CDKN1A: variants seen among roughly 807,000 people sequenced by gnomAD.
CDKN1A encodes cyclin dependent kinase inhibitor 1A.
Under a neutral mutation model 14.8 loss-of-function variants are expected in CDKN1A, and 14 were observed. That is an observed-to-expected ratio of 0.94 (90% CI 0.62 to 1.48). The LOEUF (loss-of-function observed/expected upper bound fraction) is 1.48. Among genes scored for constraint, CDKN1A ranks in the 40% most tolerant of loss-of-function variants. The pLI is 0.00. For synonymous variants in CDKN1A, 92 were observed against 93.5 expected (o/e 0.98, Z 0.09); for missense variants, 203 against 231.7 (o/e 0.88, Z 0.80).
At position 36,686,022 on chromosome 6, in the gene CDKN1A, T is replaced by C; in HGVS notation, c.*222T>C. 1 of 594,804 alleles carries C rather than the reference T, an allele frequency of 1.7e-6. No individual in the cohort carries two copies. Among genetic ancestry groups the C allele is most frequent in the South Asian group, 2.0e-5 (1 of 50,274 alleles). The allele number at this position is 594,804 out of a possible 1,614,324, so 36.8% of individuals were successfully genotyped here. On this transcript the variant is annotated 3_prime_UTR_variant, in exon 3 of 3. Transcript: ENST00000244741. This position sits in a 1 kb window ranked among gnomAD's most constrained non-coding sequence, Gnocchi z 4.9. ...TTGAATGAGAGGTTCCTAAGAGTGCTGGGCATTTTTATTTTATGAAATACT... is the reference window on the plus strand; with the variant it reads ...TTGAATGAGAGGTTCCTAAGAGTGCCGGGCATTTTTATTTTATGAAATACT...
Position 36,686,165 on chromosome 6 carries a change from G to A in CDKN1A, c.*365G>A, listed in dbSNP as rs1762198203. 1 of 416,344 alleles carries A rather than the reference G, an allele frequency of 2.4e-6. No individual in the cohort carries two copies. Among genetic ancestry groups the A allele is most frequent in the South Asian group, 2.7e-5 (1 of 36,632 alleles). 25.8% of individuals were successfully genotyped at this position (416,344 alleles called of 1,614,324 possible). A position where few individuals can be genotyped will look rare whatever the true frequency, so the allele number is the denominator to read the frequency against. On this transcript the variant is annotated 3_prime_UTR_variant, in exon 3 of 3. Transcript: ENST00000244741. This position sits in a 1 kb window ranked among gnomAD's most constrained non-coding sequence, Gnocchi z 4.9. Reference sequence around the variant, plus strand: ...GTCCGCTGGGTGGTACCCTCTGGAGGGGTGTGGCTCCTTCCCATCGCTGTC... The same window carrying A: ...GTCCGCTGGGTGGTACCCTCTGGAGAGGTGTGGCTCCTTCCCATCGCTGTC...
At chr6:36,681,280 T>TTCCTTTCTTTC (rs1554185352) in intron 1 of CDKN1A, among the ~76,000 whole-genome samples, 1 of 112,790 alleles carries the variant, frequency 8.9e-6, no homozygotes, top group Non-Finnish European at 1.9e-5. Context: ...TTCTTTCTTT[T>TTCCTTTCTTTC]TTTCTTTCTT....
intron 1 of CDKN1A, among the ~76,000 whole-genome samples, chr6:36,681,364 T>C (rs867309259): frequency 1.9e-5 from 1 of 52,542 alleles, no homozygotes; most frequent in Non-Finnish European, 3.7e-5. Context: ...TTCTTTCTTT[T>C]CTTTCTTTCT....
intron 2 of CDKN1A, 120 bp from the exon 3 acceptor site, chr6:36,685,631 G>A (rs1186023499): frequency 1.4e-5 from 13 of 944,376 alleles, no homozygotes; most frequent in Non-Finnish European, 2.1e-5. Flanking sequence ...CCTGTTCTCA[G>A]CAGTCGGCCC....
intron 1 of CDKN1A, among the ~76,000 whole-genome samples, chr6:36,679,347 C>G (rs888630758): frequency 4.6e-5 from 7 of 152,192 alleles, no homozygotes; most frequent in African/African-American, 1.7e-4. Flanking sequence ...ACTGTGTCCA[C>G]CACCTGGCTG....
intron 1 of CDKN1A, among the ~76,000 whole-genome samples, chr6:36,681,356 C>CTT (rs1449277598): frequency 5.1e-5 from 4 of 78,130 alleles, no homozygotes; most frequent in South Asian, 9.6e-4. Context: ...CTTTCTTTTT[C>CTT]TTTCTTTTCT....
intron 1 of CDKN1A, chr6:36,680,489 G>C (rs1383575097): frequency 9.6e-6 from 1 of 104,098 alleles, no homozygotes; most frequent in African/African-American, 6.0e-5. Context: ...CGCGCAGCCG[G>C]AGTGGAAGCA....
Position 36,685,868 on chromosome 6 carries a change from C to A in CDKN1A, c.*68C>A. On this transcript the variant is annotated 3_prime_UTR_variant, in exon 3 of 3. Coordinates refer to ENST00000244741, the MANE Select transcript of CDKN1A (RefSeq NM_000389.5). Reference sequence around the variant, plus strand: ...CAAAGGCCCGCTCTACATCTTCTGCCTTAGTCTCAGTTTGTGTGTCTTAAT... The same window carrying A: ...CAAAGGCCCGCTCTACATCTTCTGCATTAGTCTCAGTTTGTGTGTCTTAAT... The A allele has an allele frequency of 2.2e-6, 3 of 1,380,044 alleles. No homozygotes were observed. The highest frequency in any genetic ancestry group is 1.2e-5 in the South Asian group (1 of 86,290). 85.5% of individuals were successfully genotyped at this position (1,380,044 alleles called of 1,614,324 possible).
chr6:36,681,332 C>CTTTCTTTCTTTCT (rs1384036279), intron 1 of CDKN1A, among the ~76,000 whole-genome samples: 3 of 61,950 alleles, frequency 4.8e-5, no homozygotes, highest in Non-Finnish European at 9.2e-5. Flanking sequence ...TTCTTTCTTT[C>CTTTCTTTCTTTCT]TTTTTCTTTC....
intron 1 of CDKN1A, among the ~76,000 whole-genome samples, chr6:36,681,224 G>A (rs1761930287): frequency 6.7e-6 from 1 of 150,188 alleles, no homozygotes; most frequent in South Asian, 2.1e-4. Flanking sequence ...CGGGAGGCAG[G>A]GCCTCAGCAA....
intron 1 of CDKN1A, among the ~76,000 whole-genome samples, chr6:36,681,316 CTTTCTT>C (rs1554185358): frequency 7.9e-6 from 1 of 126,774 alleles, no homozygotes; most frequent in African/African-American, 2.9e-5. Flanking sequence ...TTCTTTCTTT[CTTTCTT>C]TCTTTCTTTC....
chr6:36,683,070 G>A (rs1300812140), intron 1 of CDKN1A, among the ~76,000 whole-genome samples: 2 of 152,206 alleles, frequency 1.3e-5, no homozygotes, highest in Non-Finnish European at 2.9e-5. Context: ...TAGTTGGCAG[G>A]GGGAAGTGAT....
Position 36,686,542 on chromosome 6 carries a change from C to T in CDKN1A, c.*742C>T, listed in dbSNP as rs1365225649. The stretch of plus-strand genomic sequence containing the variant: ...TTGAGCCTTTTCCCTCTTTGGCTCC[C>T]CTGTACCTTTTGAGGAGCCCCAGCT... On this transcript the variant is annotated 3_prime_UTR_variant, in exon 3 of 3. Transcript: ENST00000244741. The surrounding 1 kb of genome is among the most constrained non-coding windows in gnomAD (Gnocchi z 4.9). The T allele has an allele frequency of 8.5e-6, 2 of 234,054 alleles. No individual in the cohort carries two copies. The highest frequency in any genetic ancestry group is 1.8e-4 in the South Asian group (1 of 5,548). 14.5% of individuals were successfully genotyped at this position (234,054 alleles called of 1,614,324 possible).
chr6:36,685,122 G>A (rs545420148), intron 2 of CDKN1A, among the ~76,000 whole-genome samples: 5 of 152,324 alleles, frequency 3.3e-5, no homozygotes, highest in East Asian at 3.9e-4. Flanking sequence ...TTACAGGCGT[G>A]AGCCACCATG....
intron 1 of CDKN1A, among the ~76,000 whole-genome samples, chr6:36,680,089 A>G (rs191070763): frequency 1.8e-3 from 271 of 152,238 alleles, no homozygotes; most frequent in African/African-American, 5.4e-3. Context: ...GAGGAAAAGC[A>G]TCTTGGAGCT....
Position 36,687,249 on chromosome 6 carries a change from C to G in CDKN1A, c.*1449C>G. ...ACCTCTCGAGGGCAGGGACCACACC[C>G]TGTACTGTTCTGTGTCTTTCACAGC... On this transcript the variant is annotated 3_prime_UTR_variant, in exon 3 of 3. Coordinates refer to ENST00000244741, the MANE Select transcript of CDKN1A (RefSeq NM_000389.5). 4.3e-6 allele frequency: 1 copy of G among 233,080 alleles called. No individual in the cohort carries two copies. Among genetic ancestry groups the G allele is most frequent in the Non-Finnish European group, 8.5e-6 (1 of 117,942 alleles). The allele number at this position is 233,080 out of a possible 1,614,324, so 14.4% of individuals were successfully genotyped here.
chr6:36,684,122 T>C lies in CDKN1A; in HGVS notation c.21T>C (p.Asp7=). 1 of 1,613,432 alleles carries C rather than the reference T, an allele frequency of 6.2e-7. No individual in the cohort carries two copies. The highest frequency in any genetic ancestry group is 1.1e-5 in the South Asian group (1 of 91,068). The part of the protein sequence containing the change: MSEPAG[D]VRQNPCGSKA... ...GCGCCATGTCAGAACCGGCTGGGGA[T>C]GTCCGTCAGAACCCATGCGGCAGCA... is the stretch of plus-strand genomic sequence containing the variant. Residue 7 remains aspartate, a synonymous_variant, in exon 2 of 3, where the codon GAT becomes GAC. Coordinates refer to ENST00000244741, the MANE Select transcript of CDKN1A (RefSeq NM_000389.5). This position sits in a 1 kb window ranked among gnomAD's most constrained non-coding sequence, Gnocchi z 6.0.
At chr6:36,677,539 G>A, upstream of CDKN1A, 1 of 286,726 alleles carries the variant, frequency 3.5e-6, no homozygotes, top group South Asian at 3.8e-5. Context: ...GGAGGTCAGG[G>A]GTGTGAGGTA....
chr6:36,683,505 G>A (rs944582211), intron 1 of CDKN1A, among the ~76,000 whole-genome samples: 5 of 152,230 alleles, frequency 3.3e-5, no homozygotes, highest in Admixed American at 6.5e-5. Flanking sequence ...ACATTAAGTG[G>A]CTTTTTAAAG....
Sources: gnomAD v4.1 joint callset for allele counts (sites outside exome capture counted in the v4.1 genomes callset) on GRCh38, gnomAD v4.1.1 for gene constraint, Gnocchi (gnomAD v3.1) non-coding constraint, MANE v1.5 for transcripts, NCBI Gene and HGNC (gene_info 2026-07-23, HGNC 2026-07-21) for gene names.